DAW1: variants seen among roughly 807,000 people sequenced by gnomAD.
The protein encoded by DAW1 is dynein assembly factor with WD repeats 1.
Under a neutral mutation model 56.5 loss-of-function variants are expected in DAW1, and 47 were observed. That is an observed-to-expected ratio of 0.83 (90% CI 0.66 to 1.06). The LOEUF is 1.06. Ranked by LOEUF, DAW1 falls within the 50% of genes least tolerant of loss-of-function variation. DAW1 has a pLI of 0.00. For synonymous variants in DAW1, 190 were observed against 179.0 expected (o/e 1.06, Z -0.49); for missense variants, 505 against 499.3 (o/e 1.01, Z -0.11).
intron 3 of DAW1, among the ~76,000 whole-genome samples, 182 bp from the exon 4 acceptor site, chr2:227,891,073 G>C (rs547803493): frequency 6.6e-6 from 1 of 152,144 alleles, no homozygotes; most frequent in African/African-American, 2.4e-5. Flanking sequence ...ATATGTAAAA[G>C]AAAATGTTAC....
chr2:227,873,875 T>C (rs1472631359), intron 1 of DAW1, among the ~76,000 whole-genome samples: 2 of 152,118 alleles, frequency 1.3e-5, no homozygotes, highest in Admixed American at 6.5e-5. Flanking sequence ...GAGACGGGGT[T>C]TCACCATGTT....
chr2:227,902,819 C>A (rs1691577519), intron 6 of DAW1, among the ~76,000 whole-genome samples, 183 bp from the exon 7 acceptor site: 1 of 152,138 alleles, frequency 6.6e-6, no homozygotes. Context: ...AACAAGCAGC[C>A]TCTTTTCAAG....
chr2:227,918,913 GC>G lies in DAW1; in HGVS notation c.1050+60del. 5 of 1,561,582 alleles carry G rather than the reference GC, an allele frequency of 3.2e-6. No homozygotes were observed. The South Asian group carries it at 5.6e-5, about 17-fold the overall frequency. On this transcript the variant is annotated intron_variant, in intron 11 of 12. Transcript: ENST00000309931. ...TTACTTTCAAAAAATAAAGAGCAGG[GC>G]CCAGGTGCAGTGCCTCACACCTATA...
intron 4 of DAW1, among the ~76,000 whole-genome samples, chr2:227,892,420 C>T (rs1184211837): frequency 1.3e-5 from 2 of 152,326 alleles, no homozygotes; most frequent in African/African-American, 2.4e-5. Context: ...AGGCGTGAGC[C>T]ACCACGCCCA....
intron 10 of DAW1, among the ~76,000 whole-genome samples, chr2:227,918,171 T>TCCATCATCCATCCATC (rs376323426): frequency 8.1e-6 from 1 of 124,116 alleles, no homozygotes. Flanking sequence ...CATCCATCCA[T>TCCATCATCCATCCATC]CATCCATCCA....
In DAW1 at chr2:227,903,101, A is replaced by G; in HGVS notation, c.640A>G (p.Thr214Ala). 6.2e-7 allele frequency: 1 copy of G among 1,613,948 alleles called. No homozygotes were observed. The highest frequency in any genetic ancestry group is 1.3e-5 in the African/African-American group (1 of 75,040). The change falls in exon 7 of 13, where the codon ACC becomes GCC. Residue 214 changes from threonine (T) to alanine (A), a missense_variant. Physicochemically the swap from Thr to Ala is moderately conservative, Grantham distance 58 (BLOSUM62 0). Transcript: ENST00000309931. ...WDIQNGEEVY[T>A]LRGHSAEIIS... is the part of the protein sequence containing the mutation. ...CATTCAGAATGGCGAGGAAGTTTACACCTTAAGAGTATGTCAATAATGTTA... is the reference window on the plus strand; with the variant it reads ...CATTCAGAATGGCGAGGAAGTTTACGCCTTAAGAGTATGTCAATAATGTTA...
At chr2:227,905,686 G>A (rs986275201) in intron 8 of DAW1, among the ~76,000 whole-genome samples, 36 of 152,314 alleles carry the variant, frequency 2.4e-4, no homozygotes, top group South Asian at 8.3e-4. Context: ...TTTTTGAAAT[G>A]TTGCCTTAAG....
chr2:227,872,632 G>A (rs553483683), intron 1 of DAW1, among the ~76,000 whole-genome samples: 92 of 152,106 alleles, frequency 6.0e-4, no homozygotes, highest in Admixed American at 1.4e-3. Flanking sequence ...CCTGTTTTTT[G>A]CCAGAAACCT....
chr2:227,899,662 T>C (rs1290793248), intron 6 of DAW1, among the ~76,000 whole-genome samples: 1 of 152,216 alleles, frequency 6.6e-6, no homozygotes, highest in Non-Finnish European at 1.5e-5. Context: ...AGATACCTGC[T>C]GTGAACCAGA....
chr2:227,907,043 G>A, intron 9 of DAW1, 95 bp from the exon 10 acceptor site: 1 of 761,374 alleles, frequency 1.3e-6, no homozygotes, highest in South Asian at 1.8e-5. Flanking sequence ...TATTTAACCA[G>A]CCATAAGCAT....
chr2:227,874,299 A>G (rs750584724), intron 1 of DAW1, among the ~76,000 whole-genome samples: 4 of 152,222 alleles, frequency 2.6e-5, no homozygotes, highest in Admixed American at 2.0e-4. Context: ...ACCACTTCAC[A>G]GGTCTACTAG....
chr2:227,875,664 C>A (rs1194424702), intron 1 of DAW1, among the ~76,000 whole-genome samples: 1 of 152,196 alleles, frequency 6.6e-6, no homozygotes, highest in African/African-American at 2.4e-5. Flanking sequence ...TATCTCCTTT[C>A]TGAGCATTTC....
At chr2:227,891,185 T>G (rs1691258349) in intron 3 of DAW1, 70 bp from the exon 4 acceptor site, 3 of 1,373,800 alleles carry the variant, frequency 2.2e-6, no homozygotes, top group Non-Finnish European at 3.1e-6. Flanking sequence ...ATGTCTTCAT[T>G]GGTTTGAAGT....
chr2:227,919,377 C>G (rs758523674), intron 11 of DAW1, among the ~76,000 whole-genome samples: 1 of 152,064 alleles, frequency 6.6e-6, no homozygotes, highest in East Asian at 1.9e-4. Flanking sequence ...TCTAAAACCT[C>G]TTAAAAAGTA....
intron 10 of DAW1, 59 bp downstream of exon 10, chr2:227,907,311 A>G (rs957880864): frequency 1.4e-6 from 2 of 1,407,514 alleles, no homozygotes; most frequent in Non-Finnish European, 2.0e-6. Flanking sequence ...CTTGATAACC[A>G]TGCATAATTC....
At chr2:227,902,277 G>A (rs554920638) in intron 6 of DAW1, among the ~76,000 whole-genome samples, 4 of 152,174 alleles carry the variant, frequency 2.6e-5, no homozygotes, top group Non-Finnish European at 5.9e-5. Context: ...AAAAGTTAAT[G>A]TTAGCAGTTG....
intron 12 of DAW1, 76 bp downstream of exon 12, chr2:227,921,637 G>C: frequency 6.8e-7 from 1 of 1,471,016 alleles, no homozygotes; most frequent in Non-Finnish European, 9.3e-7. Context: ...ATACTAACAG[G>C]AGTTCATCCC....
chr2:227,886,755 C>T (rs1418228749), intron 2 of DAW1, among the ~76,000 whole-genome samples: 5 of 152,064 alleles, frequency 3.3e-5, no homozygotes, highest in Non-Finnish European at 7.4e-5. Flanking sequence ...GAGACCAGCC[C>T]GGGCAACACA....
intron 3 of DAW1, among the ~76,000 whole-genome samples, chr2:227,890,886 A>G (rs1297395878): frequency 1.3e-5 from 2 of 152,254 alleles, no homozygotes; most frequent in Admixed American, 1.3e-4. Flanking sequence ...ATAAATATTC[A>G]TTAAACATTC....
Sources: gnomAD v4.1 joint callset for allele counts (sites outside exome capture counted in the v4.1 genomes callset) on GRCh38, gnomAD v4.1.1 for gene constraint, MANE v1.5 for transcripts, NCBI Gene and HGNC (gene_info 2026-07-23, HGNC 2026-07-21) for gene names.